The following PCDHA1 variants were observed in gnomAD, a reference collection of about 807,000 sequenced individuals.
PCDHA1 encodes protocadherin alpha-1.
PCDHA1 carries 42 observed loss-of-function variants against 61.3 expected under a neutral mutation model. That is an observed-to-expected ratio of 0.69 (90% CI 0.54 to 0.89). The LOEUF is 0.89. Among genes scored for constraint, PCDHA1 ranks in the 40% least tolerant of loss-of-function variants. The pLI, the probability that PCDHA1 is intolerant of heterozygous loss-of-function variation, is 0.00. For missense variants in PCDHA1, 1,256 were observed against 1,235.3 expected, an observed-to-expected ratio of 1.02 and a Z score of -0.25; for synonymous variants, 610 against 553.8, an observed-to-expected ratio of 1.10 and a Z score of -1.43.
chr5:140,981,744 G>C (rs1586900543), intron 2 of PCDHA1, among the ~76,000 whole-genome samples: 1 of 151,900 alleles, frequency 6.6e-6, no homozygotes, highest in Admixed American at 6.6e-5. Context: ...ATTAATATGA[G>C]TTAGTATTAG....
Position 140,856,821 on chromosome 5 carries a change from C to G in PCDHA1, c.2394+68137C>G, listed in dbSNP as rs1554149155. ...ATGTATGAAAATCAAGTGAACCAAA[C>G]ATTAGTAATACGGCTCAACGCTTCT... is the stretch of plus-strand genomic sequence containing the variant. On this transcript the variant is annotated intron_variant, in intron 1 of 3. Transcript: ENST00000504120. 2.5e-6 allele frequency: 4 copies of G among 1,592,396 alleles called. 1 individual carries two copies. The South Asian group carries it at 4.4e-5, about 18-fold the overall frequency.
At chr5:140,803,340 C>T (rs1485778021) in intron 1 of PCDHA1, 1 of 1,614,216 alleles carries the variant, frequency 6.2e-7, no homozygotes, top group Non-Finnish European at 8.5e-7. Flanking sequence ...GGTGCTCACA[C>T]TGCTGCTATA....
rs116072877 is a variant in PCDHA1 at position 140,927,686 on chromosome 5, A to G, written c.2395-51263A>G. On this transcript the variant is annotated intron_variant, in intron 1 of 3. Transcript: ENST00000504120. ...GCCTTGGATCCAGATGAAGGGTCCA[A>G]TGGGGAAGTCCAGTACTCCCTAAGC... 796 of 1,614,196 alleles carry G rather than the reference A, an allele frequency of 4.9e-4. 3 individuals carry two copies. The African/African-American group carries it at 7.7e-3, about 16-fold the overall frequency.
At chr5:140,798,509 G>C (rs6878183) in intron 1 of PCDHA1, among the ~76,000 whole-genome samples, 278 of 152,262 alleles carry the variant, frequency 1.8e-3, no homozygotes, top group African/African-American at 6.3e-3. Flanking sequence ...TTATGTTAAT[G>C]GTTGATAAAT....
chr5:140,998,446 T>C (rs1266567801), intron 3 of PCDHA1, among the ~76,000 whole-genome samples: 1 of 152,248 alleles, frequency 6.6e-6, no homozygotes, highest in African/African-American at 2.4e-5. Flanking sequence ...TTATTGTATT[T>C]ATTCATTTAC....
chr5:140,922,595 A>G (rs1554200883), intron 1 of PCDHA1, among the ~76,000 whole-genome samples: 1 of 152,216 alleles, frequency 6.6e-6, no homozygotes, highest in Non-Finnish European at 1.5e-5. Context: ...AGTTCTCATC[A>G]GTTGAAGATA....
chr5:140,884,651 T>G (rs2153405863), intron 1 of PCDHA1: 2 of 1,604,404 alleles, frequency 1.2e-6, no homozygotes, highest in Non-Finnish European at 1.7e-6. Flanking sequence ...GGACTCAGAA[T>G]GCTTGAAAGA....
chr5:140,873,933 T>C (rs1347981327), intron 1 of PCDHA1, among the ~76,000 whole-genome samples: 3 of 152,228 alleles, frequency 2.0e-5, no homozygotes. Context: ...AGTGCTGGGA[T>C]TACAGGTGTA....
chr5:140,981,037 A>T (rs1427761331), intron 2 of PCDHA1, among the ~76,000 whole-genome samples: 1 of 152,204 alleles, frequency 6.6e-6, no homozygotes, highest in Non-Finnish European at 1.5e-5. Context: ...TTTGGGGAAA[A>T]AAAACAGATA....
chr5:140,884,253 C>G (rs1356283866), intron 1 of PCDHA1: 2 of 1,613,302 alleles, frequency 1.2e-6, no homozygotes, highest in Non-Finnish European at 1.7e-6. Flanking sequence ...CTGACGGCCA[C>G]GGCAACGGTG....
At chr5:140,968,641 C>T (rs782760741) in intron 1 of PCDHA1, 12 of 1,614,006 alleles carry the variant, frequency 7.4e-6, no homozygotes, top group East Asian at 4.5e-5. Context: ...ACCATCTAGC[C>T]CAGACTTCTG....
intron 1 of PCDHA1, chr5:140,807,141 A>C: frequency 6.4e-7 from 1 of 1,570,926 alleles, no homozygotes; most frequent in Non-Finnish European, 8.6e-7. Context: ...ATTTCCCTTG[A>C]CTTTGAGAAA....
intron 1 of PCDHA1, chr5:140,864,877 T>C (rs1475391841): frequency 6.6e-6 from 1 of 152,220 alleles, no homozygotes; most frequent in Non-Finnish European, 1.5e-5. Flanking sequence ...CCATTGTCTG[T>C]GTTCATTAAG....
At chr5:140,856,229 C>G (rs17844338) in intron 1 of PCDHA1, 1 of 1,597,934 alleles carries the variant, frequency 6.3e-7, no homozygotes, top group South Asian at 1.1e-5. Context: ...GCTGGTGCAG[C>G]GCCTGTTCCG....
chr5:140,921,779 T>C (rs1584242105), intron 1 of PCDHA1, among the ~76,000 whole-genome samples: 2 of 152,246 alleles, frequency 1.3e-5, no homozygotes, highest in East Asian at 3.9e-4. Context: ...AATACTGACT[T>C]GGATGTTCTA....
chr5:140,941,201 TCC>T lies in PCDHA1; in HGVS notation c.2395-37747_2395-37746del, dbSNP rs1554213890. On this transcript the variant is annotated intron_variant, in intron 1 of 3. Coordinates refer to ENST00000504120, the MANE Select transcript of PCDHA1 (RefSeq NM_018900.4). The stretch of plus-strand genomic sequence containing the variant: ...ATCCTGCTTCTTTTTTTTTCTTTCT[TCC>T]TTTCTTTCTTCCTTTCTTTCTTTCT... 4.9e-3 allele frequency among the ~76,000 whole-genome samples: 512 copies of T among 103,578 alleles called. 4 individuals are homozygous for T. The highest frequency in any genetic ancestry group is 7.0e-3 in the African/African-American group (178 of 25,432). 68.0% of individuals were successfully genotyped at this position (103,578 alleles called of 152,430 possible). A position where few individuals can be genotyped will look rare whatever the true frequency, so the allele number is the denominator to read the frequency against.
At chr5:140,808,537 C>G in intron 1 of PCDHA1, 1 of 1,614,170 alleles carries the variant, frequency 6.2e-7, no homozygotes, top group Non-Finnish European at 8.5e-7. Context: ...ATGTGAACGA[C>G]AACGCTCCGG....
chr5:140,944,470 A>G (rs1245262998), intron 1 of PCDHA1, among the ~76,000 whole-genome samples: 1 of 152,166 alleles, frequency 6.6e-6, no homozygotes, highest in East Asian at 1.9e-4. Flanking sequence ...TACAGGTATG[A>G]GGCACTGGAC....
Position 140,968,743 on chromosome 5 carries a change from C to T in PCDHA1, c.2395-10206C>T, listed in dbSNP as rs112674082. On this transcript the variant is annotated intron_variant, in intron 1 of 3. Coordinates refer to ENST00000504120, the MANE Select transcript of PCDHA1 (RefSeq NM_018900.4). ...AGAGTGGTAGCACTTTCAACCTGAC[C>T]GTGGTGGTCCGAGATAATGGAGAGC... is the stretch of plus-strand genomic sequence containing the variant. The T allele has an allele frequency of 3.4e-5, 55 of 1,614,060 alleles. No individual in the cohort carries two copies. In the African/African-American group the frequency reaches 5.1e-4, roughly 15 times the overall value.
Sources: gnomAD v4.1 joint callset for allele counts (sites outside exome capture counted in the v4.1 genomes callset) on GRCh38, gnomAD v4.1.1 for gene constraint, MANE v1.5 for transcripts, NCBI Gene and HGNC (gene_info 2026-07-23, HGNC 2026-07-21) for gene names.